The following ITPRID2 variants were observed in gnomAD, a reference collection of about 807,000 sequenced individuals.
The protein encoded by ITPRID2 is ITPR interacting domain containing 2, also known as protein ITPRID2.
Under a neutral mutation model 124.3 loss-of-function variants are expected in ITPRID2, and 60 were observed. The observed-to-expected ratio is 0.48, with a 90% confidence interval of 0.39 to 0.60. The LOEUF is 0.60. ITPRID2 is among the 20% of genes least tolerant of loss of function. The pLI, the probability that ITPRID2 is intolerant of heterozygous loss-of-function variation, is 0.00. For synonymous variants in ITPRID2, 521 were observed against 542.9 expected (o/e 0.96, Z 0.56); for missense variants, 1,553 against 1,512.2 (o/e 1.03, Z -0.45).
intron 7 of ITPRID2, 111 bp from the exon 8 acceptor site, chr2:181,901,655 C>A: frequency 3.8e-6 from 3 of 788,206 alleles, no homozygotes; most frequent in Non-Finnish European, 5.4e-6. Flanking sequence ...GTTTTATAAT[C>A]TTTGTGATCT....
In ITPRID2 at chr2:181,900,672, C is replaced by T. The variant is rs199613341; in HGVS notation, c.504-24C>T. 145 of 1,533,518 alleles carry T rather than the reference C, an allele frequency of 9.5e-5. No homozygotes were observed. The African/African-American group carries it at 1.9e-3, about 20-fold the overall frequency. 95.0% of individuals were successfully genotyped at this position (1,533,518 alleles called of 1,614,324 possible). A position where few individuals can be genotyped will look rare whatever the true frequency, so the allele number is the denominator to read the frequency against. On this transcript the variant is annotated intron_variant, in intron 6 of 17. Coordinates refer to ENST00000431877, the MANE Select transcript of ITPRID2 (RefSeq NM_001130445.3). ...AATTTATTTTATATTTTCATGTTTC[C>T]TTTTTTGCCCCCTTTTTTTGTAGTG...
rs1193706703 is a variant in ITPRID2, at chr2:181,922,288, C to G, written c.3551C>G (p.Ala1184Gly). Residue 1184 changes from alanine (A) to glycine (G), a missense_variant, in exon 16 of 18, where the codon GCC becomes GGC. Transcript: ENST00000431877. Reference protein sequence around the residue: ...SSEEVDAAEGAPEVVGPKSEV... With the variant: ...SSEEVDAAEGGPEVVGPKSEV... ...GAGGAAGTTGATGCAGCTGAAGGAG[C>G]CCCAGAAGTTGTAGGACCTAAATCT... 1 of 1,614,140 alleles carries G rather than the reference C, an allele frequency of 6.2e-7. No homozygotes were observed. Among genetic ancestry groups the G allele is most frequent in the Middle Eastern group, 1.6e-4 (1 of 6,062 alleles).
rs1233269549 is a variant in ITPRID2, at chr2:181,892,543, G to T, written c.212-72G>T. On this transcript the variant is annotated intron_variant, in intron 1 of 17. Coordinates refer to ENST00000431877, the MANE Select transcript of ITPRID2 (RefSeq NM_001130445.3). The surrounding 1 kb of genome is among the most constrained non-coding windows in gnomAD (Gnocchi z 5.2). ...TGCCGTGGTAGATTTTCCTACTTGG[G>T]AGGGTCCAGGGTGACTCCGCCGTCG... is the stretch of plus-strand genomic sequence containing the variant. The T allele has an allele frequency of 1.3e-6, 2 of 1,582,790 alleles. No homozygotes were observed. Among genetic ancestry groups the T allele is most frequent in the African/African-American group, 2.7e-5 (2 of 74,204 alleles).
Position 181,930,730 on chromosome 2 carries a change from T to A in ITPRID2, c.*1183T>A, listed in dbSNP as rs1477510223. 2 of 152,374 alleles carry A rather than the reference T, an allele frequency of 1.3e-5. No homozygotes were observed. Among genetic ancestry groups the A allele is most frequent in the Non-Finnish European group, 2.9e-5 (2 of 68,014 alleles). The allele number at this position is 152,374 out of a possible 1,614,324, so 9.4% of individuals were successfully genotyped here. On this transcript the variant is annotated 3_prime_UTR_variant, in exon 18 of 18. Transcript: ENST00000431877. ...ATATTAAAACAATAAAGTATTTATTTTGCCTAAAGTGTTTTAGTGGTTTCT... is the reference window on the plus strand; with the variant it reads ...ATATTAAAACAATAAAGTATTTATTATGCCTAAAGTGTTTTAGTGGTTTCT...
chr2:181,904,508 T>C (rs1228606140), intron 8 of ITPRID2, among the ~76,000 whole-genome samples: 1 of 148,176 alleles, frequency 6.7e-6, no homozygotes, highest in Non-Finnish European at 1.5e-5. Flanking sequence ...AAGGAAATAA[T>C]GTGTTAACTT....
At chr2:181,895,965 G>A in intron 2 of ITPRID2, 65 bp from the exon 3 acceptor site, 1 of 1,359,282 alleles carries the variant, frequency 7.4e-7, no homozygotes, top group South Asian at 1.2e-5. Context: ...AAGTAAGGCT[G>A]TGTAATGACA....
chr2:181,926,989 G>A (rs1694916584), intron 16 of ITPRID2, among the ~76,000 whole-genome samples: 1 of 152,158 alleles, frequency 6.6e-6, no homozygotes, highest in Non-Finnish European at 1.5e-5. Context: ...AGAATCTTCT[G>A]ATGTTGTTTA....
chr2:181,928,725 A>G (rs1289225086), intron 17 of ITPRID2, among the ~76,000 whole-genome samples: 1 of 151,370 alleles, frequency 6.6e-6, no homozygotes. Flanking sequence ...TCCCGGGTTC[A>G]CGCCATTCTC....
chr2:181,913,921 T>C lies in ITPRID2; in HGVS notation c.1563T>C (p.Leu521=). 6.2e-7 allele frequency: 1 copy of C among 1,612,246 alleles called. No individual in the cohort carries two copies. ...AAGATTCTACAGACTGCCTATCCCT[T>C]AATCATCTTCAGGTAAAATTTTCTG... ...FAEDSTDCLS[L]NHLQVQESLQ... The change falls in exon 10 of 18, where the codon CTT becomes CTC. Residue 521 remains leucine, a synonymous_variant. Transcript: ENST00000431877.
Position 181,919,015 on chromosome 2 carries a change from A to G in ITPRID2, c.2993+133A>G. The G allele has an allele frequency of 8.1e-7, 1 of 1,236,872 alleles. No homozygotes were observed. Among genetic ancestry groups the G allele is most frequent in the Non-Finnish European group, 1.1e-6 (1 of 906,842 alleles). The allele number at this position is 1,236,872 out of a possible 1,614,324, so 76.6% of individuals were successfully genotyped here. ...ATCTGTTTTGTGAACCAGTGTAGAT[A>G]AGATTAGTCATAGATAGTGTTTTAC... On this transcript the variant is annotated intron_variant, in intron 13 of 17. Transcript: ENST00000431877. This position sits in a 1 kb window ranked among gnomAD's most constrained non-coding sequence, Gnocchi z 4.2.
At chr2:181,903,499 GTC>G (rs894452489) in intron 8 of ITPRID2, among the ~76,000 whole-genome samples, 2 of 152,050 alleles carry the variant, frequency 1.3e-5, no homozygotes, top group Admixed American at 6.6e-5. Context: ...TTAGGTGAGT[GTC>G]TCTCTCTCTT....
In ITPRID2 at chr2:181,922,290, C is replaced by T; in HGVS notation, c.3553C>T (p.Pro1185Ser). The change falls in exon 16 of 18, where the codon CCA becomes TCA. Residue 1185 changes from proline (P) to serine (S), a missense_variant. Physicochemically the swap from Pro to Ser is moderately conservative, Grantham distance 74 (BLOSUM62 -1). Coordinates refer to ENST00000431877, the MANE Select transcript of ITPRID2 (RefSeq NM_001130445.3). Reference protein sequence around the residue: ...SEEVDAAEGAPEVVGPKSEVE... With the variant: ...SEEVDAAEGASEVVGPKSEVE... ...GGAAGTTGATGCAGCTGAAGGAGCCCCAGAAGTTGTAGGACCTAAATCTGA... is the reference window on the plus strand; with the variant it reads ...GGAAGTTGATGCAGCTGAAGGAGCCTCAGAAGTTGTAGGACCTAAATCTGA... The T allele has an allele frequency of 1.2e-6, 2 of 1,614,130 alleles. No homozygotes were observed. Among genetic ancestry groups the T allele is most frequent in the Middle Eastern group, 1.6e-4 (1 of 6,062 alleles).
chr2:181,929,445 G>A, intron 17 of ITPRID2, 116 bp from the exon 18 acceptor site: 2 of 604,920 alleles, frequency 3.3e-6, no homozygotes, highest in South Asian at 5.2e-5. Context: ...GAGATTACAG[G>A]ATAATCATGT....
At chr2:181,912,922 T>C (rs1284585634) in intron 9 of ITPRID2, among the ~76,000 whole-genome samples, 1 of 152,204 alleles carries the variant, frequency 6.6e-6, no homozygotes, top group Admixed American at 6.5e-5. Flanking sequence ...GTTGAACCTA[T>C]TTGGTTGAGT....
chr2:181,891,970 C>T lies in ITPRID2; in HGVS notation c.-97C>T. On this transcript the variant is annotated 5_prime_UTR_variant, in exon 1 of 18. Coordinates refer to ENST00000431877, the MANE Select transcript of ITPRID2 (RefSeq NM_001130445.3). The stretch of plus-strand genomic sequence containing the variant: ...CGCCCGCTTCAGCTCCCCGGGGCCC[C>T]CTGCCCGGCCGGGCGCTGACAGCAA... 1 of 1,291,724 alleles carries T rather than the reference C, an allele frequency of 7.7e-7. No individual in the cohort carries two copies. Among genetic ancestry groups the T allele is most frequent in the Non-Finnish European group, 1.0e-6 (1 of 957,068 alleles). 80.0% of individuals were successfully genotyped at this position (1,291,724 alleles called of 1,614,324 possible).
At position 181,891,988 on chromosome 2, in the gene ITPRID2, G is replaced by T; in HGVS notation, c.-79G>T. 2 of 1,430,256 alleles carry T rather than the reference G, an allele frequency of 1.4e-6. No homozygotes were observed. Among genetic ancestry groups the T allele is most frequent in the South Asian group, 1.4e-5 (1 of 71,758 alleles). 88.6% of individuals were successfully genotyped at this position (1,430,256 alleles called of 1,614,324 possible). On this transcript the variant is annotated 5_prime_UTR_variant, in exon 1 of 18. Transcript: ENST00000431877. ...GGGGCCCCCTGCCCGGCCGGGCGCT[G>T]ACAGCAAGGGCGGGGGTCCCTGCCG...
chr2:181,924,436 C>T (rs1443580464), intron 16 of ITPRID2, among the ~76,000 whole-genome samples: 1 of 152,046 alleles, frequency 6.6e-6, no homozygotes, highest in Non-Finnish European at 1.5e-5. Context: ...TCTTGGTGTA[C>T]AGCTACCAAG....
In ITPRID2 at chr2:181,919,239, G is replaced by A. The variant is rs1694299687; in HGVS notation, c.2994-57G>A. On this transcript the variant is annotated intron_variant, in intron 13 of 17. Coordinates refer to ENST00000431877, the MANE Select transcript of ITPRID2 (RefSeq NM_001130445.3). The surrounding 1 kb of genome is among the most constrained non-coding windows in gnomAD (Gnocchi z 4.2). ...ATATAGTAGTTGTTGAAAGATTTGT[G>A]ATTAGGAATCTCCAAACTGCATTTT... The A allele has an allele frequency of 3.8e-6, 6 of 1,592,986 alleles. No homozygotes were observed.
intron 14 of ITPRID2, 62 bp from the exon 15 acceptor site, chr2:181,920,535 T>C (rs1391804493): frequency 2.6e-6 from 3 of 1,153,618 alleles, no homozygotes; most frequent in African/African-American, 3.1e-5. Context: ...ATTATAATTA[T>C]ATATGCATGT....
Sources: allele counts gnomAD v4.1 joint callset (sites outside exome capture counted in the v4.1 genomes callset), GRCh38; gene constraint gnomAD v4.1.1; non-coding constraint Gnocchi (gnomAD v3.1); transcripts MANE v1.5; gene names NCBI Gene and HGNC (gene_info 2026-07-23, HGNC 2026-07-21).